The following CCDC178 variants were observed in gnomAD, a reference collection of about 807,000 sequenced individuals.
CCDC178 encodes the protein coiled-coil domain-containing protein 178.
In CCDC178, 126 loss-of-function variants were observed where a neutral mutation model predicts 117.4. The ratio of observed to expected loss-of-function variants is 1.07; its 90% CI spans 0.93 to 1.24. The LOEUF is 1.24. CCDC178 is among the 50% of genes most tolerant of loss of function. The probability of loss-of-function intolerance (pLI) is 0.00; values close to 1 mark genes in which losing one functional copy is unlikely to be tolerated. For missense variants in CCDC178, 1,030 were observed against 986.9 expected (o/e 1.04, Z -0.59); for synonymous variants, 283 against 313.4 (o/e 0.90, Z 1.02).
intron 21 of CCDC178, among the ~76,000 whole-genome samples, chr18:33,064,246 A>T (rs1567965507): frequency 1.3e-5 from 2 of 152,352 alleles, no homozygotes; most frequent in Middle Eastern, 3.4e-3. Flanking sequence ...TAAAACAATA[A>T]TGTCAAAGAA....
chr18:33,163,618 CT>C (rs2058492186), intron 20 of CCDC178, among the ~76,000 whole-genome samples: 1 of 152,138 alleles, frequency 6.6e-6, no homozygotes, highest in African/African-American at 2.4e-5. Flanking sequence ...TCAGTACCCC[CT>C]TTTTCTAAGA....
chr18:33,359,591 A>G (rs572531118), intron 6 of CCDC178, among the ~76,000 whole-genome samples: 1 of 151,840 alleles, frequency 6.6e-6, no homozygotes, highest in South Asian at 2.1e-4. Context: ...ACTTTAAATC[A>G]TTATTTTAAA....
chr18:33,333,105 C>A (rs879240707), intron 10 of CCDC178, 69 bp downstream of exon 10: 3 of 838,048 alleles, frequency 3.6e-6, no homozygotes, highest in Non-Finnish European at 3.7e-6. Context: ...GTGTTAATTT[C>A]TTATGGTTGA....
chr18:33,337,537 C>T (rs2062757364), intron 9 of CCDC178, among the ~76,000 whole-genome samples: 1 of 151,942 alleles, frequency 6.6e-6, no homozygotes, highest in Non-Finnish European at 1.5e-5. Flanking sequence ...AATTTCAACA[C>T]AACATGGTAT....
chr18:33,053,592 A>T (rs6417058), intron 21 of CCDC178, among the ~76,000 whole-genome samples: 152,040 of 152,300 alleles, frequency 1, 75,891 homozygotes, highest in Non-Finnish European at 1. Flanking sequence ...GTAAATTCAA[A>T]CAACATTTAC....
At chr18:33,108,605 G>A (rs1017984007) in intron 20 of CCDC178, among the ~76,000 whole-genome samples, 1 of 151,416 alleles carries the variant, frequency 6.6e-6, no homozygotes, top group Non-Finnish European at 1.5e-5. Context: ...TTGATGATTT[G>A]TTGATTATAT....
chr18:33,003,134 T>A (rs1263150023), intron 21 of CCDC178, among the ~76,000 whole-genome samples: 1 of 152,032 alleles, frequency 6.6e-6, no homozygotes, highest in Non-Finnish European at 1.5e-5. Context: ...CTTAAACTAT[T>A]CTGAAAAATA....
chr18:33,129,869 TCTTTA>T (rs1188856444), intron 20 of CCDC178, among the ~76,000 whole-genome samples: 2 of 152,024 alleles, frequency 1.3e-5, no homozygotes, highest in African/African-American at 4.8e-5. Context: ...ATTGTTTTAT[TCTTTA>T]CTTTGCATTG....
intron 21 of CCDC178, among the ~76,000 whole-genome samples, chr18:33,053,379 A>G (rs186020281): frequency 1.2e-4 from 18 of 152,360 alleles, no homozygotes; most frequent in Admixed American, 2.0e-4. Flanking sequence ...AGTGATTCAA[A>G]TAGTTGAGGG....
intron 8 of CCDC178, among the ~76,000 whole-genome samples, 163 bp from the exon 9 acceptor site, chr18:33,346,574 T>A (rs1179252045): frequency 6.6e-6 from 1 of 152,008 alleles, no homozygotes; most frequent in African/African-American, 2.4e-5. Flanking sequence ...AATACAAATA[T>A]AAGATTAATT....
chr18:33,177,870 G>C (rs2058681945), intron 20 of CCDC178, among the ~76,000 whole-genome samples: 2 of 151,946 alleles, frequency 1.3e-5, no homozygotes, highest in South Asian at 4.2e-4. Context: ...TTTGCCTGAT[G>C]GTTGGTTTTC....
intron 20 of CCDC178, among the ~76,000 whole-genome samples, chr18:33,177,893 CACA>C (rs960322085): frequency 6.6e-6 from 1 of 151,934 alleles, no homozygotes; most frequent in African/African-American, 2.4e-5. Flanking sequence ...CCTTTTTTCC[CACA>C]ACTTCTCATA....
intron 21 of CCDC178, among the ~76,000 whole-genome samples, chr18:33,051,514 A>C (rs1172665902): frequency 6.6e-6 from 1 of 152,204 alleles, no homozygotes; most frequent in African/African-American, 2.4e-5. Flanking sequence ...CCTTCAAATA[A>C]ATGTTTTCTA....
chr18:33,315,493 G>C (rs1164677216), intron 11 of CCDC178, among the ~76,000 whole-genome samples: 1 of 152,078 alleles, frequency 6.6e-6, no homozygotes, highest in African/African-American at 2.4e-5. Flanking sequence ...TACTTATCTT[G>C]ATCTTCAGGC....
intron 5 of CCDC178, among the ~76,000 whole-genome samples, chr18:33,370,822 T>A (rs1360680823): frequency 6.6e-6 from 1 of 152,064 alleles, no homozygotes; most frequent in Admixed American, 6.6e-5. Context: ...CTCAGTCCGA[T>A]GTGCCTCAGT....
intron 20 of CCDC178, among the ~76,000 whole-genome samples, chr18:33,191,110 C>A (rs1490634296): frequency 6.6e-6 from 1 of 152,116 alleles, no homozygotes; most frequent in Admixed American, 6.5e-5. Flanking sequence ...TTAGCTTTCT[C>A]AAACAACTCT....
At chr18:33,398,284 C>G (rs1401004301) in intron 3 of CCDC178, among the ~76,000 whole-genome samples, 1 of 151,764 alleles carries the variant, frequency 6.6e-6, no homozygotes, top group African/African-American at 2.4e-5. Context: ...AATTATATTC[C>G]ATGATAAGAT....
intron 22 of CCDC178, among the ~76,000 whole-genome samples, chr18:32,963,479 A>G (rs189708160): frequency 6.6e-6 from 1 of 152,064 alleles, no homozygotes; most frequent in East Asian, 1.9e-4. Context: ...ATTCCTGAAT[A>G]TTTTTATATC....
intron 20 of CCDC178, among the ~76,000 whole-genome samples, chr18:33,154,063 T>G (rs2058366717): frequency 6.6e-6 from 1 of 152,170 alleles, no homozygotes; most frequent in Non-Finnish European, 1.5e-5. Flanking sequence ...AACCTTAAAA[T>G]ATAATGGAAA....
Sources: allele counts gnomAD v4.1 joint callset (sites outside exome capture counted in the v4.1 genomes callset), GRCh38; gene constraint gnomAD v4.1.1; transcripts MANE v1.5; gene names NCBI Gene and HGNC (gene_info 2026-07-23, HGNC 2026-07-21).